The following THSD4 variants were observed in gnomAD, a reference collection of about 807,000 sequenced individuals.
THSD4 encodes thrombospondin type-1 domain-containing protein 4.
Under a neutral mutation model 119.0 loss-of-function variants are expected in THSD4, and 69 were observed. The observed-to-expected ratio is 0.58, with a 90% CI of 0.48 to 0.71. The LOEUF (loss-of-function observed/expected upper bound fraction) is 0.71, where lower values mean the gene tolerates loss of function less well. THSD4 is among the 30% of genes least tolerant of loss of function. THSD4 has a pLI of 0.00. For missense variants in THSD4, 1,393 were observed against 1,391.1 expected, an observed-to-expected ratio of 1.00 and a Z score of -0.02; for synonymous variants, 524 against 540.4, an observed-to-expected ratio of 0.97 and a Z score of 0.42.
intron 7 of THSD4, among the ~76,000 whole-genome samples, chr15:71,651,489 G>A (rs1449570997): frequency 1.3e-5 from 2 of 152,004 alleles, no homozygotes; most frequent in Non-Finnish European, 2.9e-5. Flanking sequence ...TCATCATCTC[G>A]TCCCACTCAC....
intron 1 of THSD4, among the ~76,000 whole-genome samples, chr15:71,099,134 C>T (rs560531408): frequency 2.5e-4 from 38 of 152,272 alleles, no homozygotes; most frequent in African/African-American, 9.1e-4. Context: ...ACCCCATGAC[C>T]ACCACTTTTA....
At chr15:71,385,022 C>T (rs1390989298) in intron 6 of THSD4, among the ~76,000 whole-genome samples, 1 of 152,180 alleles carries the variant, frequency 6.6e-6, no homozygotes, top group Non-Finnish European at 1.5e-5. Flanking sequence ...GGAGTTTGCA[C>T]CCCCTTCAGT....
chr15:71,765,900 A>G (rs889131721), intron 16 of THSD4, among the ~76,000 whole-genome samples: 1 of 152,002 alleles, frequency 6.6e-6, no homozygotes, highest in African/African-American at 2.4e-5. Context: ...ACTGGCTACT[A>G]GGAAGCGCAA....
chr15:71,251,457 T>C (rs1051710806), intron 5 of THSD4, among the ~76,000 whole-genome samples: 1 of 152,216 alleles, frequency 6.6e-6, no homozygotes, highest in East Asian at 1.9e-4. Flanking sequence ...TGTTATTCAA[T>C]TGTGGTAGTT....
rs1453753706 is a variant in THSD4 at position 71,532,281 on chromosome 15, AGAGTGTGT to A, written c.1152+120460_1152+120467del. 1.1e-3 allele frequency among the ~76,000 whole-genome samples: 124 copies of A among 113,178 alleles called. 2 individuals carry two copies. In the Middle Eastern group the frequency reaches 0.013, roughly 12 times the overall value. The allele number at this position is 113,178 out of a possible 152,430, so 74.2% of individuals were successfully genotyped here. ...CAAAGGGTGAGAGAGAGAGAGAGAGAGAGTGTGTGTGTGTGTGTGTGTGTGTGTGTGTG... is the reference window on the plus strand; with the variant it reads ...CAAAGGGTGAGAGAGAGAGAGAGAGAGTGTGTGTGTGTGTGTGTGTGTGTG... On this transcript the variant is annotated intron_variant, in intron 7 of 17. Coordinates refer to ENST00000261862, the MANE Select transcript of THSD4 (RefSeq NM_024817.3).
In THSD4 at chr15:71,747,060, C is replaced by G; in HGVS notation, c.2241+18C>G. On this transcript the variant is annotated intron_variant, in intron 13 of 17. Coordinates refer to ENST00000261862, the MANE Select transcript of THSD4 (RefSeq NM_024817.3). ...GGACCTCGGTACGCAGGCAGGGCAGCCCGCTCTGCAGCTCCCTCTCCAGCT... is the reference window on the plus strand; with the variant it reads ...GGACCTCGGTACGCAGGCAGGGCAGGCCGCTCTGCAGCTCCCTCTCCAGCT... 3.2e-6 allele frequency: 5 copies of G among 1,582,084 alleles called. No individual in the cohort carries two copies. The highest frequency in any genetic ancestry group is 1.3e-5 in the African/African-American group (1 of 74,544).
intron 5 of THSD4, among the ~76,000 whole-genome samples, chr15:71,249,569 G>A (rs2044239647): frequency 6.7e-6 from 1 of 149,842 alleles, no homozygotes; most frequent in South Asian, 2.1e-4. Context: ...CATTTTTCAT[G>A]ATTATAGAAA....
chr15:71,666,639 A>G (rs2051422845), intron 8 of THSD4, among the ~76,000 whole-genome samples: 3 of 152,224 alleles, frequency 2.0e-5, no homozygotes, highest in Admixed American at 1.3e-4. Flanking sequence ...TACTATTAAT[A>G]CTTTGCTTAT....
At chr15:71,518,509 C>G (rs571827962) in intron 7 of THSD4, among the ~76,000 whole-genome samples, 47 of 152,272 alleles carry the variant, frequency 3.1e-4, no homozygotes, top group African/African-American at 1.1e-3. Flanking sequence ...GTTTAAGTGA[C>G]TTTAATCTTA....
At chr15:71,436,700 T>C (rs28726280) in intron 7 of THSD4, among the ~76,000 whole-genome samples, 13,550 of 152,122 alleles carry the variant, frequency 0.089, 1,056 homozygotes, top group African/African-American at 0.2. Context: ...CATACAAAAT[T>C]TATTCTAACA....
chr15:71,737,394 G>A (rs1595904081), intron 10 of THSD4, among the ~76,000 whole-genome samples: 1 of 152,206 alleles, frequency 6.6e-6, no homozygotes, highest in Admixed American at 6.5e-5. Context: ...GTGTTAGGTG[G>A]TGGTGTTCTT....
chr15:71,707,133 A>C (rs374650552), intron 8 of THSD4, among the ~76,000 whole-genome samples: 1 of 152,142 alleles, frequency 6.6e-6, no homozygotes, highest in Non-Finnish European at 1.5e-5. Context: ...AGTCCCAGCA[A>C]TCAGGTCAGT....
At chr15:71,227,503 T>C (rs1438703870) in intron 4 of THSD4, among the ~76,000 whole-genome samples, 2 of 152,232 alleles carry the variant, frequency 1.3e-5, no homozygotes, top group Admixed American at 1.3e-4. Context: ...TATCGTTTCC[T>C]TTGCTCATCC....
At chr15:71,401,060 G>A (rs1457360341) in intron 6 of THSD4, among the ~76,000 whole-genome samples, 3 of 152,102 alleles carry the variant, frequency 2.0e-5, no homozygotes, top group Admixed American at 6.5e-5. Flanking sequence ...CTTGAACCTC[G>A]TTTCCTTCCA....
At chr15:71,425,313 G>A (rs941253196) in intron 7 of THSD4, among the ~76,000 whole-genome samples, 25 of 152,080 alleles carry the variant, frequency 1.6e-4, no homozygotes, top group Non-Finnish European at 3.4e-4. Context: ...TATTAATATC[G>A]GCTTTTTAGG....
intron 6 of THSD4, among the ~76,000 whole-genome samples, chr15:71,284,408 A>G (rs1442780): frequency 0.77 from 116,426 of 151,486 alleles, 44,845 homozygotes; most frequent in East Asian, 0.85. Flanking sequence ...CATTCCACAC[A>G]GGGAGATATT....
At chr15:71,236,553 A>C (rs1489982212) in intron 4 of THSD4, among the ~76,000 whole-genome samples, 1 of 152,250 alleles carries the variant, frequency 6.6e-6, no homozygotes, top group Non-Finnish European at 1.5e-5. Context: ...TTAATAAGAT[A>C]TAATAATTCA....
At chr15:71,624,460 G>A (rs1487486858) in intron 7 of THSD4, among the ~76,000 whole-genome samples, 2 of 152,216 alleles carry the variant, frequency 1.3e-5, no homozygotes, top group Admixed American at 6.5e-5. Flanking sequence ...TTTTGGTGGG[G>A]AGGAAATGTC....
chr15:71,297,325 TTTG>T (rs1290649750), intron 6 of THSD4, among the ~76,000 whole-genome samples: 12 of 141,628 alleles, frequency 8.5e-5, no homozygotes, highest in African/African-American at 2.9e-4. Flanking sequence ...CTTTTTTTTG[TTTG>T]TTTGTTTGTT....
Sources: gnomAD v4.1 joint callset for allele counts (sites outside exome capture counted in the v4.1 genomes callset) on GRCh38, gnomAD v4.1.1 for gene constraint, MANE v1.5 for transcripts, NCBI Gene and HGNC (gene_info 2026-07-23, HGNC 2026-07-21) for gene names.